PPP3CA: variants seen among roughly 807,000 people sequenced by gnomAD.
PPP3CA encodes the protein protein phosphatase 3 catalytic subunit alpha, also known as CAM-PRP catalytic subunit.
Under a neutral mutation model 66.5 loss-of-function variants are expected in PPP3CA, and 14 were observed. The ratio of observed to expected loss-of-function variants is 0.21; its 90% CI spans 0.14 to 0.33. The LOEUF (loss-of-function observed/expected upper bound fraction) is 0.33. PPP3CA is among the 10% of genes least tolerant of loss of function. The pLI, the probability that PPP3CA is intolerant of heterozygous loss-of-function variation, is 1.00. For missense variants in PPP3CA, 317 were observed against 639.5 expected (o/e 0.50, Z 5.44); for synonymous variants, 232 against 226.2 (o/e 1.03, Z -0.23).
intron 10 of PPP3CA, among the ~76,000 whole-genome samples, chr4:101,050,205 A>G (rs1727948582): frequency 1.3e-5 from 2 of 152,124 alleles, no homozygotes; most frequent in Admixed American, 1.3e-4. Context: ...TTGGTTTGCA[A>G]CAGACGCATA....
At chr4:101,131,272 A>C (rs1256568135) in intron 2 of PPP3CA, among the ~76,000 whole-genome samples, 2 of 150,434 alleles carry the variant, frequency 1.3e-5, no homozygotes, top group Non-Finnish European at 3.0e-5. Flanking sequence ...AAATAAATAA[A>C]TAAATAAAAT....
At chr4:101,073,872 A>G (rs1026244618) in intron 8 of PPP3CA, among the ~76,000 whole-genome samples, 4 of 152,204 alleles carry the variant, frequency 2.6e-5, no homozygotes, top group Non-Finnish European at 5.9e-5. Flanking sequence ...AGTACCAAAT[A>G]TACTGCCCTG....
rs1726479835 is a variant in PPP3CA at position 101,023,546 on chromosome 4, A to C, written c.*2319T>G. 1 of 152,342 alleles carries C rather than the reference A, an allele frequency of 6.6e-6. No individual in the cohort carries two copies. Among genetic ancestry groups the C allele is most frequent in the Non-Finnish European group, 1.5e-5 (1 of 68,026 alleles). 9.4% of individuals were successfully genotyped at this position (152,342 alleles called of 1,614,324 possible). A position where few individuals can be genotyped will look rare whatever the true frequency, so the allele number is the denominator to read the frequency against. ...GTCAGGATATTTTCTCTGCAGTTAT[A>C]AGAAAGAAAATAAACACCATGATAC... On this transcript the variant is annotated 3_prime_UTR_variant, in exon 14 of 14. Transcript: ENST00000394854.
rs189799032 is a variant in PPP3CA at position 101,085,835 on chromosome 4, T to C, written c.783-2572A>G. Among the ~76,000 whole-genome samples, 707 of 143,966 alleles carry C rather than the reference T, an allele frequency of 4.9e-3. 11 individuals are homozygous for C. The highest frequency in any genetic ancestry group is 0.015 in the Middle Eastern group (4 of 268). The allele number at this position is 143,966 out of a possible 152,430, so 94.4% of individuals were successfully genotyped here. On this transcript the variant is annotated intron_variant, in intron 6 of 13. Transcript: ENST00000394854. ...TTCAAGCTGAAAAGCACTGCGTATA[T>C]ACACACACACACACACACACACAGA...
chr4:101,059,455 T>C (rs1728366514), intron 10 of PPP3CA, among the ~76,000 whole-genome samples: 1 of 152,172 alleles, frequency 6.6e-6, no homozygotes, highest in Non-Finnish European at 1.5e-5. Context: ...AGAAAAACTA[T>C]GAGATGTTAA....
intron 12 of PPP3CA, among the ~76,000 whole-genome samples, chr4:101,030,386 C>T (rs1726888957): frequency 6.6e-6 from 1 of 152,028 alleles, no homozygotes; most frequent in South Asian, 2.1e-4. Context: ...AGAGAGAGTA[C>T]ATAGCAAAGT....
intron 1 of PPP3CA, among the ~76,000 whole-genome samples, chr4:101,203,749 G>A (rs1725041814): frequency 6.6e-6 from 1 of 152,030 alleles, no homozygotes; most frequent in African/African-American, 2.4e-5. Context: ...ACAGAAATGA[G>A]TGACAGTCCA....
intron 1 of PPP3CA, among the ~76,000 whole-genome samples, chr4:101,245,231 G>C (rs1252060193): frequency 6.6e-6 from 1 of 152,104 alleles, no homozygotes; most frequent in African/African-American, 2.4e-5. Flanking sequence ...AACTGCACTT[G>C]TTTATCACAT....
At chr4:101,299,876 T>C (rs1448353943) in intron 1 of PPP3CA, among the ~76,000 whole-genome samples, 3 of 152,244 alleles carry the variant, frequency 2.0e-5, no homozygotes, top group Admixed American at 6.5e-5. Context: ...GCATGCCACA[T>C]AGTCTTACAG....
chr4:101,153,456 T>C (rs1336257863), intron 2 of PPP3CA, among the ~76,000 whole-genome samples: 2 of 152,240 alleles, frequency 1.3e-5, no homozygotes, highest in Non-Finnish European at 2.9e-5. Context: ...GAAGATACTA[T>C]ATACTACTGG....
chr4:101,074,351 G>A (rs1729053723), intron 8 of PPP3CA, among the ~76,000 whole-genome samples: 1 of 151,798 alleles, frequency 6.6e-6, no homozygotes, highest in African/African-American at 2.4e-5. Flanking sequence ...AACCACAGGG[G>A]TAGCAGATAT....
At chr4:101,035,204 G>T (rs1727186695) in intron 11 of PPP3CA, among the ~76,000 whole-genome samples, 1 of 152,164 alleles carries the variant, frequency 6.6e-6, no homozygotes, top group South Asian at 2.1e-4. Context: ...AGGAGGTGGA[G>T]GTTGCAGTGA....
At chr4:101,165,716 T>C (rs1419480826) in intron 2 of PPP3CA, among the ~76,000 whole-genome samples, 2 of 152,118 alleles carry the variant, frequency 1.3e-5, no homozygotes, top group Non-Finnish European at 2.9e-5. Flanking sequence ...CAGCCTTTTA[T>C]GAAACAATAG....
chr4:101,285,282 A>T (rs1005748432), intron 1 of PPP3CA, among the ~76,000 whole-genome samples: 2 of 152,180 alleles, frequency 1.3e-5, no homozygotes, highest in African/African-American at 4.8e-5. Context: ...TCCTTTAATC[A>T]TATCTTATCA....
intron 1 of PPP3CA, among the ~76,000 whole-genome samples, chr4:101,271,785 T>C (rs1381618550): frequency 6.6e-6 from 1 of 152,094 alleles, no homozygotes; most frequent in Non-Finnish European, 1.5e-5. Flanking sequence ...TAATATAGTG[T>C]AGATAAACCA....
chr4:101,055,662 C>T (rs1181150426), intron 10 of PPP3CA, among the ~76,000 whole-genome samples: 1 of 151,964 alleles, frequency 6.6e-6, no homozygotes, highest in Non-Finnish European at 1.5e-5. Flanking sequence ...GTTTCCTATC[C>T]AGAAGCCTGT....
chr4:101,223,841 A>G (rs1725700045), intron 1 of PPP3CA, among the ~76,000 whole-genome samples: 1 of 151,838 alleles, frequency 6.6e-6, no homozygotes, highest in African/African-American at 2.4e-5. Flanking sequence ...ACAGGCAAAA[A>G]ATAGAGAAAA....
intron 1 of PPP3CA, among the ~76,000 whole-genome samples, chr4:101,272,238 C>T (rs1727358862): frequency 6.6e-6 from 1 of 152,126 alleles, no homozygotes; most frequent in East Asian, 1.9e-4. Flanking sequence ...TGGCCTGTTA[C>T]ATTCATTATC....
intron 10 of PPP3CA, among the ~76,000 whole-genome samples, chr4:101,050,427 G>A (rs764173432): frequency 9.6e-4 from 146 of 152,156 alleles, no homozygotes; most frequent in Admixed American, 4.4e-3. Flanking sequence ...AAAGACCTTG[G>A]TCTAAGTCCC....
Sources: allele counts gnomAD v4.1 joint callset (sites outside exome capture counted in the v4.1 genomes callset), GRCh38; gene constraint gnomAD v4.1.1; transcripts MANE v1.5; gene names NCBI Gene and HGNC (gene_info 2026-07-23, HGNC 2026-07-21).